SRGAP3: variants seen among roughly 807,000 people sequenced by gnomAD.
SRGAP3 encodes SLIT-ROBO Rho GTPase activating protein 3.
In SRGAP3, 39 loss-of-function variants were observed where a neutral mutation model predicts 121.1. The observed-to-expected ratio is 0.32, with a 90% CI of 0.25 to 0.42. SRGAP3 has a LOEUF of 0.42. Among genes scored for constraint, SRGAP3 ranks in the 10% least tolerant of loss-of-function variants. The probability of loss-of-function intolerance (pLI) is 1.00; values close to 1 mark genes in which losing one functional copy is unlikely to be tolerated. For missense variants in SRGAP3, 1,213 were observed against 1,470.6 expected (o/e 0.82, Z 2.86); for synonymous variants, 601 against 570.0 (o/e 1.05, Z -0.77).
chr3:8,987,777 T>C (rs1255309795), intron 21 of SRGAP3, among the ~76,000 whole-genome samples: 1 of 150,838 alleles, frequency 6.6e-6, no homozygotes, highest in African/African-American at 2.5e-5. Context: ...GGAGGCGCTG[T>C]GGGGGCAATT....
intron 18 of SRGAP3, among the ~76,000 whole-genome samples, chr3:8,997,798 AT>A (rs1478037376): frequency 2.0e-5 from 3 of 152,026 alleles, no homozygotes. Flanking sequence ...TATCCGTCTT[AT>A]TTTTTAATGA....
chr3:9,254,254 T>C (rs1954078229), upstream of SRGAP3, among the ~76,000 whole-genome samples: 1 of 152,200 alleles, frequency 6.6e-6, no homozygotes, highest in South Asian at 2.1e-4. Flanking sequence ...TGATGGAATA[T>C]TACTCAGCCA....
At chr3:9,190,604 G>A (rs777923189) in intron 1 of SRGAP3, among the ~76,000 whole-genome samples, 1 of 152,132 alleles carries the variant, frequency 6.6e-6, no homozygotes, top group African/African-American at 2.4e-5. Context: ...AAGCTACCTG[G>A]GGTTACTCAA....
chr3:9,163,348 A>C (rs569427411), intron 1 of SRGAP3, among the ~76,000 whole-genome samples: 59 of 152,350 alleles, frequency 3.9e-4, no homozygotes, highest in African/African-American at 1.4e-3. Context: ...CAGCGAAGGA[A>C]GCAGAAAAGA....
intron 1 of SRGAP3, 109 bp from the exon 2 acceptor site, chr3:9,125,026 A>T: frequency 7.8e-7 from 1 of 1,283,638 alleles, no homozygotes. Flanking sequence ...CCCTCCTAAC[A>T]CCATCCAGAG....
At chr3:9,083,937 T>C (rs1947346356) in intron 3 of SRGAP3, among the ~76,000 whole-genome samples, 1 of 152,142 alleles carries the variant, frequency 6.6e-6, no homozygotes, top group Admixed American at 6.5e-5. Flanking sequence ...ACCTGTATCC[T>C]TAGCTGCTGC....
intron 12 of SRGAP3, among the ~76,000 whole-genome samples, chr3:9,027,808 A>G (rs1944290493): frequency 6.6e-6 from 1 of 152,228 alleles, no homozygotes; most frequent in African/African-American, 2.4e-5. Flanking sequence ...AGAGCATCAA[A>G]TTCTTTTAAA....
chr3:9,195,167 T>G (rs982453643), intron 1 of SRGAP3, among the ~76,000 whole-genome samples: 10 of 152,192 alleles, frequency 6.6e-5, no homozygotes, highest in Admixed American at 2.6e-4. Flanking sequence ...ACCATAAAGA[T>G]CCAATAACCA....
chr3:9,251,484 A>C (rs757320190), upstream of SRGAP3, among the ~76,000 whole-genome samples: 16 of 152,180 alleles, frequency 1.1e-4, no homozygotes, highest in Non-Finnish European at 2.1e-4. Flanking sequence ...TAGATTCTTC[A>C]AGAAAAATGA....
chr3:9,047,507 A>G, intron 9 of SRGAP3, 32 bp from the exon 10 acceptor site: 1 of 1,606,652 alleles, frequency 6.2e-7, no homozygotes, highest in Non-Finnish European at 8.5e-7. Flanking sequence ...GAAGTTATAG[A>G]TTGCAAGGCC....
intron 1 of SRGAP3, among the ~76,000 whole-genome samples, chr3:9,169,896 G>T (rs1285283662): frequency 6.6e-6 from 1 of 152,160 alleles, no homozygotes; most frequent in Non-Finnish European, 1.5e-5. Context: ...CACTTTCTAG[G>T]CAAGTCATGG....
At chr3:9,079,917 C>G (rs1230890179) in intron 4 of SRGAP3, 108 bp downstream of exon 4, 19 of 1,209,804 alleles carry the variant, frequency 1.6e-5, no homozygotes, top group Middle Eastern at 5.3e-4. Flanking sequence ...TAAAACGCAG[C>G]AAAAAAGGCC....
intron 1 of SRGAP3, among the ~76,000 whole-genome samples, chr3:9,206,154 T>C (rs906818419): frequency 6.6e-6 from 1 of 152,160 alleles, no homozygotes; most frequent in Non-Finnish European, 1.5e-5. Flanking sequence ...AATAAATATT[T>C]AAAATGAAGT....
rs545097484 is a variant in SRGAP3 at position 9,242,504 on chromosome 3, G to A, written c.67+6381C>T. 9.2e-5 allele frequency among the ~76,000 whole-genome samples: 14 copies of A among 152,132 alleles called. No homozygotes were observed. The East Asian group carries it at 2.1e-3, about 23-fold the overall frequency. On this transcript the variant is annotated intron_variant, in intron 1 of 21. Coordinates refer to ENST00000383836, the MANE Select transcript of SRGAP3 (RefSeq NM_014850.4). ...ACAAAAATTAGCTGGGCATGGTGGC[G>A]AGTGCCTGTAGTCCCAGCTACTCGG...
intron 1 of SRGAP3, among the ~76,000 whole-genome samples, chr3:9,164,276 T>TTTTTTTTATTTA (rs1553683179): frequency 7.1e-6 from 1 of 140,772 alleles, no homozygotes; most frequent in African/African-American, 2.5e-5. Context: ...ACCCAGACTA[T>TTTTTTTTATTTA]TTTATTTATT....
chr3:9,062,594 G>A (rs1203467076), intron 5 of SRGAP3, among the ~76,000 whole-genome samples: 1 of 152,230 alleles, frequency 6.6e-6, no homozygotes, highest in East Asian at 1.9e-4. Flanking sequence ...ATTTGTCTAT[G>A]CTGGACATTT....
intron 10 of SRGAP3, among the ~76,000 whole-genome samples, chr3:9,042,440 A>G (rs1418159359): frequency 3.6e-5 from 2 of 55,562 alleles, no homozygotes; most frequent in African/African-American, 2.3e-4. Flanking sequence ...TATTTACAGA[A>G]AAAAAAAAAA....
intron 7 of SRGAP3, among the ~76,000 whole-genome samples, chr3:9,057,266 G>A: frequency 6.6e-6 from 1 of 152,176 alleles, no homozygotes; most frequent in East Asian, 1.9e-4. Context: ...GGGCTGGGCT[G>A]CTGGCAGGCA....
intron 1 of SRGAP3, among the ~76,000 whole-genome samples, chr3:9,229,489 G>C (rs2648530): frequency 6.6e-6 from 1 of 151,630 alleles, no homozygotes; most frequent in African/African-American, 2.4e-5. Context: ...TAGGCCAAAG[G>C]CGTTCTCCAC....
Sources: gnomAD v4.1 joint callset for allele counts (sites outside exome capture counted in the v4.1 genomes callset) on GRCh38, gnomAD v4.1.1 for gene constraint, MANE v1.5 for transcripts, NCBI Gene and HGNC (gene_info 2026-07-23, HGNC 2026-07-21) for gene names.